Variants in ETNK1 observed in about 807,000 individuals in gnomAD.
ETNK1 encodes putative protein product of Nbla10396.
ETNK1 carries 8 observed loss-of-function variants against 45.1 expected under a neutral mutation model. The observed-to-expected ratio is 0.18, with a 90% CI of 0.10 to 0.32. ETNK1 has a LOEUF of 0.32. Ranked by LOEUF, ETNK1 falls within the 10% of genes least tolerant of loss-of-function variation. The probability of loss-of-function intolerance (pLI) is 1.00; values close to 1 mark genes in which losing one functional copy is unlikely to be tolerated. For missense variants in ETNK1, 302 were observed against 430.6 expected (o/e 0.70, Z 2.64); for synonymous variants, 152 against 151.9 (o/e 1.00, Z -0.01).
chr12:22,647,786 ATTAGTG>A (rs1228943416), intron 2 of ETNK1, among the ~76,000 whole-genome samples: 2 of 151,956 alleles, frequency 1.3e-5, no homozygotes, highest in Non-Finnish European at 2.9e-5. Flanking sequence ...AGAAGTAACA[ATTAGTG>A]TTAGTGAATA....
chr12:22,662,234 A>C (rs193089214), intron 4 of ETNK1, among the ~76,000 whole-genome samples: 1,533 of 143,968 alleles, frequency 0.011, 22 homozygotes, highest in African/African-American at 0.038. Context: ...TGCCCGGCTA[A>C]TTTTTGTATT....
chr12:22,660,274 T>C (rs1953986140), intron 3 of ETNK1, among the ~76,000 whole-genome samples: 1 of 152,142 alleles, frequency 6.6e-6, no homozygotes, highest in Non-Finnish European at 1.5e-5. Flanking sequence ...AGGTCATGAC[T>C]TAAAGTATTA....
chr12:22,675,351 A>C (rs926792971), intron 6 of ETNK1, among the ~76,000 whole-genome samples: 2 of 151,762 alleles, frequency 1.3e-5, no homozygotes, highest in African/African-American at 4.8e-5. Flanking sequence ...ATGAGCCATC[A>C]TGCCAGACCT....
chr12:22,681,666 AC>A (rs1403813632), intron 6 of ETNK1, among the ~76,000 whole-genome samples: 1 of 151,970 alleles, frequency 6.6e-6, no homozygotes, highest in Non-Finnish European at 1.5e-5. Context: ...CATTACATTA[AC>A]GCAAATGCCA....
chr12:22,655,218 T>G (rs1298097930), intron 2 of ETNK1, among the ~76,000 whole-genome samples: 1 of 152,226 alleles, frequency 6.6e-6, no homozygotes, highest in East Asian at 1.9e-4. Flanking sequence ...TTCATCCACC[T>G]TGGCCTCCCA....
At chr12:22,677,593 C>T (rs1954174135) in intron 6 of ETNK1, among the ~76,000 whole-genome samples, 1 of 152,214 alleles carries the variant, frequency 6.6e-6, no homozygotes, top group African/African-American at 2.4e-5. Context: ...CTGTAAGTTA[C>T]TTTGGGCAGT....
intron 1 of ETNK1, among the ~76,000 whole-genome samples, chr12:22,636,487 C>G (rs1288404100): frequency 1.3e-5 from 2 of 151,802 alleles, no homozygotes; most frequent in Non-Finnish European, 2.9e-5. Context: ...GTGGATCAAT[C>G]CCTTAGTCAT....
chr12:22,628,815 G>A (rs888075252), intron 1 of ETNK1, among the ~76,000 whole-genome samples: 4 of 152,036 alleles, frequency 2.6e-5, no homozygotes, highest in Non-Finnish European at 5.9e-5. Flanking sequence ...AATTAATACC[G>A]TAATTATTAT....
intron 6 of ETNK1, among the ~76,000 whole-genome samples, chr12:22,680,263 T>C (rs1318129029): frequency 1.3e-5 from 2 of 152,240 alleles, no homozygotes; most frequent in East Asian, 3.8e-4. Flanking sequence ...AACATTAGCC[T>C]TTACTGGTCT....
chr12:22,630,870 C>G (rs1458209808), intron 1 of ETNK1, among the ~76,000 whole-genome samples: 1 of 152,034 alleles, frequency 6.6e-6, no homozygotes, highest in Non-Finnish European at 1.5e-5. Context: ...CTCGGCCTCC[C>G]AAAATACTGG....
At chr12:22,670,638 T>C (rs933083485) in intron 4 of ETNK1, among the ~76,000 whole-genome samples, 2 of 152,160 alleles carry the variant, frequency 1.3e-5, no homozygotes, top group Admixed American at 1.3e-4. Flanking sequence ...TTTTGCTTTT[T>C]GTAAGATAAA....
intron 4 of ETNK1, among the ~76,000 whole-genome samples, chr12:22,661,985 T>C (rs1954003937): frequency 6.6e-6 from 1 of 152,138 alleles, no homozygotes; most frequent in African/African-American, 2.4e-5. Context: ...AAAATTTTGG[T>C]TGAAGGAGTC....
At chr12:22,637,452 T>C (rs1417920243) in intron 1 of ETNK1, among the ~76,000 whole-genome samples, 1 of 152,210 alleles carries the variant, frequency 6.6e-6, no homozygotes, top group Non-Finnish European at 1.5e-5. Context: ...AGGGTTAGAA[T>C]TCTTTGTTCA....
chr12:22,663,363 TG>T (rs1387337342), intron 4 of ETNK1, among the ~76,000 whole-genome samples: 1 of 152,220 alleles, frequency 6.6e-6, no homozygotes, highest in African/African-American at 2.4e-5. Context: ...AACTGCAAGT[TG>T]ATCAAAGAGA....
chr12:22,636,053 C>T (rs771489456), intron 1 of ETNK1, among the ~76,000 whole-genome samples: 1 of 152,068 alleles, frequency 6.6e-6, no homozygotes, highest in Non-Finnish European at 1.5e-5. Context: ...GTCCCAGCTA[C>T]TCGGGTGGCT....
intron 4 of ETNK1, among the ~76,000 whole-genome samples, chr12:22,665,093 A>C (rs573347774): frequency 6.6e-5 from 10 of 152,282 alleles, no homozygotes; most frequent in Non-Finnish European, 1.3e-4. Flanking sequence ...TATCAAGAGA[A>C]GTCAGAAAGA....
chr12:22,643,187 A>G (rs1254357911), intron 1 of ETNK1, among the ~76,000 whole-genome samples: 2 of 152,084 alleles, frequency 1.3e-5, no homozygotes, highest in Non-Finnish European at 2.9e-5. Flanking sequence ...TAAAATTAAT[A>G]TATAAAATTG....
intron 3 of ETNK1, among the ~76,000 whole-genome samples, chr12:22,659,722 G>A (rs986174681): frequency 6.6e-6 from 1 of 152,150 alleles, no homozygotes; most frequent in African/African-American, 2.4e-5. Context: ...CATCACTTAA[G>A]TGTTGAGGTA....
At chr12:22,659,945 A>G (rs965880691) in intron 3 of ETNK1, among the ~76,000 whole-genome samples, 1 of 150,756 alleles carries the variant, frequency 6.6e-6, no homozygotes, top group African/African-American at 2.4e-5. Context: ...TATTAAATAC[A>G]TTTTGTATTT....
Sources: allele counts gnomAD v4.1 joint callset (sites outside exome capture counted in the v4.1 genomes callset), GRCh38; gene constraint gnomAD v4.1.1; transcripts MANE v1.5; gene names NCBI Gene and HGNC (gene_info 2026-07-23, HGNC 2026-07-21).